The following RBFOX3 variants were observed in gnomAD, a reference collection of about 807,000 sequenced individuals.
RBFOX3 encodes the protein RNA binding protein fox-1 homolog 3.
A neutral mutation model predicts 48.7 loss-of-function variants in RBFOX3; 17 were observed. That is an observed-to-expected ratio of 0.35 (90% CI 0.24 to 0.52). The LOEUF (loss-of-function observed/expected upper bound fraction) is 0.52. Among genes scored for constraint, RBFOX3 ranks in the 20% least tolerant of loss-of-function variants. RBFOX3 has a pLI of 0.94. For synonymous variants in RBFOX3, 212 were observed against 209.5 expected, an observed-to-expected ratio of 1.01 and a Z score of -0.10; for missense variants, 382 against 497.5, an observed-to-expected ratio of 0.77 and a Z score of 2.21.
chr17:79,258,328 T>C lies in RBFOX3; in HGVS notation c.-73-22523A>G, dbSNP rs190376560. ...ACACAGAGAAAGGATCTGAAACGGA[T>C]TCCCGCTTAAATCTCAAACCCTACT... is the stretch of plus-strand genomic sequence containing the variant. On this transcript the variant is annotated intron_variant, in intron 3 of 14. Transcript: ENST00000693108. Among the ~76,000 whole-genome samples the C allele has an allele frequency of 4.3e-4, 65 of 152,172 alleles. 1 individual carries two copies. In the East Asian group the frequency reaches 0.01, roughly 24 times the overall value.
chr17:79,519,965 T>C (rs1394232404), intron 1 of RBFOX3, among the ~76,000 whole-genome samples: 2 of 152,130 alleles, frequency 1.3e-5, no homozygotes, highest in Non-Finnish European at 2.9e-5. Context: ...GAATAAGCTG[T>C]CACCTCGAGG....
chr17:79,107,510 C>T (rs986060145), intron 5 of RBFOX3, among the ~76,000 whole-genome samples: 4 of 152,226 alleles, frequency 2.6e-5, no homozygotes, highest in African/African-American at 4.8e-5. Flanking sequence ...CCCGAGGCAG[C>T]GCAGTGTGGC....
chr17:79,101,521 C>A (rs578113036), intron 9 of RBFOX3, 63 bp downstream of exon 9: 4 of 1,416,102 alleles, frequency 2.8e-6, no homozygotes, highest in East Asian at 5.0e-5. Context: ...AGCCTCAGCT[C>A]CCCCAGGGCC....
At chr17:79,581,508 G>A (rs1568431205) in intron 1 of RBFOX3, among the ~76,000 whole-genome samples, 1 of 152,206 alleles carries the variant, frequency 6.6e-6, no homozygotes, top group Admixed American at 6.5e-5. Context: ...GTCACTCACC[G>A]CTGCCATTTC....
chr17:79,414,603 G>A (rs1017537777), intron 2 of RBFOX3, among the ~76,000 whole-genome samples: 3 of 152,160 alleles, frequency 2.0e-5, no homozygotes, highest in South Asian at 2.1e-4. Flanking sequence ...CTGTCTGTTC[G>A]CCTGCCTGCC....
chr17:79,554,898 G>A (rs1179782149), intron 1 of RBFOX3, among the ~76,000 whole-genome samples: 1 of 152,188 alleles, frequency 6.6e-6, no homozygotes, highest in Non-Finnish European at 1.5e-5. Context: ...GCTTAGAGAA[G>A]CTAAAGACTT....
At chr17:79,352,044 T>A (rs1455616181) in intron 2 of RBFOX3, among the ~76,000 whole-genome samples, 2 of 152,072 alleles carry the variant, frequency 1.3e-5, no homozygotes, top group East Asian at 3.9e-4. Context: ...AGCAAGCATA[T>A]CCACCAGAAC....
chr17:79,630,936 A>T, the RBFOX3 span, among the ~76,000 whole-genome samples: 1 of 152,154 alleles, frequency 6.6e-6, no homozygotes, highest in Non-Finnish European at 1.5e-5. Flanking sequence ...CCGGAAAAGC[A>T]CGACAGCCCC....
At chr17:79,516,520 G>T (rs1442962463) in intron 1 of RBFOX3, among the ~76,000 whole-genome samples, 1 of 152,232 alleles carries the variant, frequency 6.6e-6, no homozygotes, top group Non-Finnish European at 1.5e-5. Flanking sequence ...CCAGGCCTTA[G>T]AAAGAGCCAG....
At chr17:79,388,351 G>A (rs1358610721) in intron 2 of RBFOX3, among the ~76,000 whole-genome samples, 1 of 152,138 alleles carries the variant, frequency 6.6e-6, no homozygotes, top group African/African-American at 2.4e-5. Context: ...GCTGAACGAG[G>A]ATGCAGAGCC....
chr17:79,367,818 G>A (rs1870656915), intron 2 of RBFOX3, among the ~76,000 whole-genome samples: 2 of 152,114 alleles, frequency 1.3e-5, no homozygotes, highest in South Asian at 2.1e-4. Context: ...AGCCCGCCTG[G>A]CCCCCCAGGA....
At chr17:79,276,914 T>C (rs1600368134) in intron 3 of RBFOX3, among the ~76,000 whole-genome samples, 1 of 152,144 alleles carries the variant, frequency 6.6e-6, no homozygotes, top group Non-Finnish European at 1.5e-5. Context: ...TCAGGGCTGG[T>C]ACAGGCTGGA....
chr17:79,231,155 G>A (rs1038884821), intron 4 of RBFOX3, among the ~76,000 whole-genome samples: 4 of 152,194 alleles, frequency 2.6e-5, no homozygotes, highest in African/African-American at 9.7e-5. Context: ...GGGAGCCAAG[G>A]TGGCTGGAGT....
At chr17:79,238,991 AC>A (rs1237589308) in intron 3 of RBFOX3, among the ~76,000 whole-genome samples, 1 of 151,072 alleles carries the variant, frequency 6.6e-6, no homozygotes, top group Non-Finnish European at 1.5e-5. Flanking sequence ...GTTTCACAGA[AC>A]CTCCAGGGTC....
At chr17:79,127,600 C>A (rs918167956) in intron 4 of RBFOX3, among the ~76,000 whole-genome samples, 6 of 152,152 alleles carry the variant, frequency 3.9e-5, no homozygotes, top group Non-Finnish European at 8.8e-5. Context: ...ATGATGATGT[C>A]AAGGGAAGGC....
At chr17:79,137,778 A>C (rs542118845) in intron 4 of RBFOX3, among the ~76,000 whole-genome samples, 2 of 152,152 alleles carry the variant, frequency 1.3e-5, no homozygotes, top group Non-Finnish European at 2.9e-5. Flanking sequence ...AGTTTCTTTA[A>C]TTAATGAAGT....
chr17:79,197,593 C>T (rs988488845), intron 4 of RBFOX3, among the ~76,000 whole-genome samples: 10 of 151,736 alleles, frequency 6.6e-5, no homozygotes, highest in African/African-American at 2.4e-4. Flanking sequence ...CGGGGCCTCA[C>T]CATGTTGGCC....
intron 2 of RBFOX3, among the ~76,000 whole-genome samples, chr17:79,406,228 C>A (rs563065445): frequency 1.3e-5 from 2 of 152,250 alleles, no homozygotes; most frequent in South Asian, 2.1e-4. Context: ...AAGATGGAAA[C>A]CAGGCAGAGA....
At chr17:79,647,636 C>T in the RBFOX3 span, among the ~76,000 whole-genome samples, 1 of 152,164 alleles carries the variant, frequency 6.6e-6, no homozygotes, top group South Asian at 2.1e-4. Flanking sequence ...GTGGGAGCAC[C>T]AGAGAAGCAC....
Sources: allele counts gnomAD v4.1 joint callset (sites outside exome capture counted in the v4.1 genomes callset), GRCh38; gene constraint gnomAD v4.1.1; transcripts MANE v1.5; gene names NCBI Gene and HGNC (gene_info 2026-07-23, HGNC 2026-07-21).